Variants in PTPN4 observed in about 807,000 individuals in gnomAD.
PTPN4 encodes the protein tyrosine-protein phosphatase non-receptor type 4.
In PTPN4, 49 loss-of-function variants were observed where a neutral mutation model predicts 135.5. The observed-to-expected ratio is 0.36, with a 90% CI of 0.29 to 0.46. The LOEUF (loss-of-function observed/expected upper bound fraction) is 0.46, where lower values mean the gene tolerates loss of function less well. PTPN4 is among the 20% of genes least tolerant of loss of function. The pLI is 1.00. For synonymous variants in PTPN4, 333 were observed against 369.9 expected (o/e 0.90, Z 1.14); for missense variants, 860 against 1,101.0 (o/e 0.78, Z 3.10).
At chr2:119,802,729 A>G (rs1467417897) in intron 1 of PTPN4, among the ~76,000 whole-genome samples, 1 of 152,180 alleles carries the variant, frequency 6.6e-6, no homozygotes, top group African/African-American at 2.4e-5. Context: ...GCTACATGGA[A>G]TGATTTGAGA....
chr2:119,874,402 A>G (rs1296341700), intron 3 of PTPN4, among the ~76,000 whole-genome samples: 3 of 152,214 alleles, frequency 2.0e-5, no homozygotes, highest in Non-Finnish European at 4.4e-5. Flanking sequence ...ATTATTCATA[A>G]TAGTCGAAAA....
At position 119,778,686 on chromosome 2, in the gene PTPN4, GT is replaced by G. The variant is rs549026019; in HGVS notation, c.-18+18305del. ...AAAAGGAAAAGCCTTAGGTAAATCA[GT>G]TTGATGCAAGAAATGGCACAAATTA... On this transcript the variant is annotated intron_variant, in intron 1 of 26. Transcript: ENST00000263708. Among the ~76,000 whole-genome samples, 1,125 of 152,250 alleles carry G rather than the reference GT, an allele frequency of 7.4e-3. 13 individuals are homozygous for G. Among genetic ancestry groups the G allele is most frequent in the African/African-American group, 0.026 (1,062 of 41,542 alleles).
chr2:119,809,525 C>A (rs982793662), intron 1 of PTPN4, among the ~76,000 whole-genome samples: 4 of 151,946 alleles, frequency 2.6e-5, no homozygotes, highest in Non-Finnish European at 4.4e-5. Context: ...GCAGCATAAT[C>A]TTCCCGCCCC....
intron 1 of PTPN4, among the ~76,000 whole-genome samples, chr2:119,777,718 G>T (rs925112983): frequency 3.3e-5 from 5 of 152,120 alleles, no homozygotes; most frequent in African/African-American, 1.2e-4. Context: ...GCAGTGGCAT[G>T]CTCACAGCTC....
Position 119,946,588 on chromosome 2 carries a change from A to G in PTPN4, c.1656+14A>G, listed in dbSNP as rs1558771659. 1 of 1,561,394 alleles carries G rather than the reference A, an allele frequency of 6.4e-7. No homozygotes were observed. Among genetic ancestry groups the G allele is most frequent in the Admixed American group, 1.7e-5 (1 of 57,882 alleles). ...CCAGGAACACCTGTGAGTTATCTAA[A>G]TGTTTCAAATAAATCCTGTTTTCAA... On this transcript the variant is annotated intron_variant, in intron 18 of 26. Transcript: ENST00000263708.
At chr2:119,788,906 C>T (rs1446052574) in intron 1 of PTPN4, among the ~76,000 whole-genome samples, 1 of 152,114 alleles carries the variant, frequency 6.6e-6, no homozygotes, top group East Asian at 1.9e-4. Flanking sequence ...CTTTGGGACC[C>T]AGCTTTCAGT....
intron 18 of PTPN4, among the ~76,000 whole-genome samples, chr2:119,948,791 T>C (rs1679171604): frequency 6.6e-6 from 1 of 152,140 alleles, no homozygotes; most frequent in Non-Finnish European, 1.5e-5. Context: ...TGGAAAAATA[T>C]ATAATTTCAC....
chr2:119,851,184 G>A (rs1677585448), intron 2 of PTPN4, among the ~76,000 whole-genome samples: 1 of 152,032 alleles, frequency 6.6e-6, no homozygotes, highest in Admixed American at 6.6e-5. Context: ...TTTGTTTTTG[G>A]GGAGGTTTGC....
At chr2:119,934,517 A>G (rs1678952707) in intron 14 of PTPN4, among the ~76,000 whole-genome samples, 1 of 152,228 alleles carries the variant, frequency 6.6e-6, no homozygotes, top group Non-Finnish European at 1.5e-5. Flanking sequence ...GCTGAGTAAG[A>G]CAAAATCATA....
Position 119,787,846 on chromosome 2 carries a change from A to G in PTPN4, c.-17-21991A>G, listed in dbSNP as rs149816482. On this transcript the variant is annotated intron_variant, in intron 1 of 26. Transcript: ENST00000263708. The stretch of plus-strand genomic sequence containing the variant: ...GGTATGAGTCCCTAAGTTGGTGTGT[A>G]TGTTTTCCACTTCTAGTTTTAAAGC... 3.3e-3 allele frequency among the ~76,000 whole-genome samples: 501 copies of G among 152,294 alleles called. 2 individuals carry two copies. The highest frequency in any genetic ancestry group is 0.011 in the African/African-American group (474 of 41,560).
chr2:119,958,978 G>A (rs915839384), intron 22 of PTPN4, among the ~76,000 whole-genome samples: 6 of 151,966 alleles, frequency 3.9e-5, no homozygotes, highest in African/African-American at 1.5e-4. Flanking sequence ...AAAAAGTAAG[G>A]CACTACATAG....
intron 5 of PTPN4, among the ~76,000 whole-genome samples, chr2:119,881,572 C>T (rs531907141): frequency 7.2e-5 from 11 of 152,118 alleles, no homozygotes; most frequent in East Asian, 3.9e-4. Context: ...ACAAGACATT[C>T]GAAATACAAA....
intron 10 of PTPN4, among the ~76,000 whole-genome samples, chr2:119,905,237 A>T (rs1254757886): frequency 1.3e-5 from 2 of 152,194 alleles, no homozygotes; most frequent in African/African-American, 4.8e-5. Context: ...ATTCTATGCT[A>T]CCTACAAGAA....
chr2:119,982,534 T>C lies in PTPN4; in HGVS notation c.*5464T>C, dbSNP rs1205413652. ...ATTTTCAGATATAATGTACATTCTT[T>C]TTCATTTTGCTTTGCCTCTAGAATA... On this transcript the variant is annotated 3_prime_UTR_variant, in exon 27 of 27. Coordinates refer to ENST00000263708, the MANE Select transcript of PTPN4 (RefSeq NM_002830.4). The C allele has an allele frequency of 2.0e-5, 3 of 152,220 alleles. No homozygotes were observed. Among genetic ancestry groups the C allele is most frequent in the Non-Finnish European group, 4.4e-5 (3 of 68,038 alleles). 9.4% of individuals were successfully genotyped at this position (152,220 alleles called of 1,614,324 possible).
intron 11 of PTPN4, among the ~76,000 whole-genome samples, chr2:119,919,590 A>G (rs998872272): frequency 2.0e-5 from 3 of 152,176 alleles, no homozygotes; most frequent in Non-Finnish European, 2.9e-5. Flanking sequence ...TGTGAGGCCA[A>G]GGCAGGTAGA....
intron 15 of PTPN4, among the ~76,000 whole-genome samples, chr2:119,939,003 C>A (rs1679025608): frequency 6.6e-6 from 1 of 152,134 alleles, no homozygotes; most frequent in South Asian, 2.1e-4. Flanking sequence ...AATTAGGTGA[C>A]CTTTGGTGAG....
Position 119,881,843 on chromosome 2 carries a change from A to C in PTPN4, c.413+13A>C. ...TTCTTACTGGAAGGTGGGCTCTTTA[A>C]ATTTCTTAAAAAATTTTTTGTAATG... On this transcript the variant is annotated intron_variant, in intron 6 of 26. Coordinates refer to ENST00000263708, the MANE Select transcript of PTPN4 (RefSeq NM_002830.4). The C allele has an allele frequency of 6.5e-7, 1 of 1,527,754 alleles. No individual in the cohort carries two copies. The allele number at this position is 1,527,754 out of a possible 1,614,324, so 94.6% of individuals were successfully genotyped here. A position where few individuals can be genotyped will look rare whatever the true frequency, so the allele number is the denominator to read the frequency against.
chr2:119,812,073 G>A (rs1204017449), intron 2 of PTPN4, among the ~76,000 whole-genome samples: 2 of 152,030 alleles, frequency 1.3e-5, no homozygotes, highest in Non-Finnish European at 2.9e-5. Flanking sequence ...TGGTTATGTG[G>A]TATATTTATT....
Position 119,918,451 on chromosome 2 carries a change from G to T in PTPN4, c.829-1618G>T, listed in dbSNP as rs896476482. Among the ~76,000 whole-genome samples the T allele has an allele frequency of 3.3e-5, 5 of 152,198 alleles. No individual in the cohort carries two copies. In the East Asian group the frequency reaches 9.6e-4, roughly 29 times the overall value. On this transcript the variant is annotated intron_variant, in intron 11 of 26. Coordinates refer to ENST00000263708, the MANE Select transcript of PTPN4 (RefSeq NM_002830.4). ...GAATCCTTGGTTGTATATGCATCCT[G>T]ATAGAAATATATGCCAGTGAATTGA...
Sources: allele counts gnomAD v4.1 joint callset (sites outside exome capture counted in the v4.1 genomes callset), GRCh38; gene constraint gnomAD v4.1.1; transcripts MANE v1.5; gene names NCBI Gene and HGNC (gene_info 2026-07-23, HGNC 2026-07-21).